The following PCDH15 variants were observed in gnomAD, a reference collection of about 807,000 sequenced individuals.
The protein encoded by PCDH15 is protocadherin related 15.
In PCDH15, 129 loss-of-function variants were observed where a neutral mutation model predicts 178.5. That is an observed-to-expected ratio of 0.72 (90% confidence interval 0.63 to 0.84). The LOEUF is 0.84. Among genes scored for constraint, PCDH15 ranks in the 40% least tolerant of loss-of-function variants. PCDH15 has a pLI of 0.00. For synonymous variants in PCDH15, 800 were observed against 732.0 expected (o/e 1.09, Z -1.50); for missense variants, 2,230 against 2,099.9 (o/e 1.06, Z -1.21).
intron 2 of PCDH15, among the ~76,000 whole-genome samples, chr10:55,165,378 C>T (rs1839168079): frequency 6.6e-6 from 1 of 151,714 alleles, no homozygotes; most frequent in Admixed American, 6.6e-5. Flanking sequence ...ACAGAAATGT[C>T]TTAGGTACGC....
chr10:53,963,497 C>A (rs2088595185), intron 21 of PCDH15, among the ~76,000 whole-genome samples: 3 of 152,212 alleles, frequency 2.0e-5, no homozygotes, highest in Admixed American at 6.5e-5. Context: ...GGAACCTCTC[C>A]CAGTCTGATA....
At chr10:55,196,437 A>C (rs759465818) in intron 1 of PCDH15, among the ~76,000 whole-genome samples, 1 of 152,058 alleles carries the variant, frequency 6.6e-6, no homozygotes, top group African/African-American at 2.4e-5. Flanking sequence ...CTTTCAATAG[A>C]GCTCTCAATT....
At chr10:54,587,147 T>TC (rs566866901) in intron 2 of PCDH15, among the ~76,000 whole-genome samples, 2,282 of 152,304 alleles carry the variant, frequency 0.015, 52 homozygotes, top group African/African-American at 0.052. Context: ...TCAGTGACCA[T>TC]TGGCATCATC....
At chr10:53,836,931 G>T (rs935515819) in intron 29 of PCDH15, among the ~76,000 whole-genome samples, 2 of 152,082 alleles carry the variant, frequency 1.3e-5, no homozygotes, top group South Asian at 2.1e-4. Context: ...GTGGAAATAA[G>T]AAATAATCTA....
chr10:55,445,009 A>G (rs1839283766), intron 2 of PCDH15, among the ~76,000 whole-genome samples: 1 of 152,128 alleles, frequency 6.6e-6, no homozygotes. Context: ...AATTAAACGG[A>G]GAAAGAAGGG....
chr10:54,191,183 A>T (rs779631250), intron 11 of PCDH15, among the ~76,000 whole-genome samples: 1 of 152,226 alleles, frequency 6.6e-6, no homozygotes, highest in Non-Finnish European at 1.5e-5. Flanking sequence ...GTTCTTCAGC[A>T]TACAAAAGTT....
Position 53,961,732 on chromosome 10 carries a change from T to A in PCDH15, c.3009+20A>T. On this transcript the variant is annotated intron_variant, in intron 22 of 37. Coordinates refer to ENST00000644397, the MANE Select transcript of PCDH15 (RefSeq NM_001384140.1). Reference sequence around the variant, plus strand: ...AAAATTAAACATCAAATAGACCACATAATGAAAAGAGACACTGACCTTAAA... The same window carrying A: ...AAAATTAAACATCAAATAGACCACAAAATGAAAAGAGACACTGACCTTAAA... 3 of 1,586,672 alleles carry A rather than the reference T, an allele frequency of 1.9e-6. No individual in the cohort carries two copies. The highest frequency in any genetic ancestry group is 2.6e-6 in the Non-Finnish European group (3 of 1,164,724).
At chr10:54,090,490 A>C (rs1005769752) in intron 15 of PCDH15, among the ~76,000 whole-genome samples, 5 of 151,990 alleles carry the variant, frequency 3.3e-5, no homozygotes, top group Admixed American at 6.6e-5. Context: ...CAAAAACACA[A>C]GAAGTTACCC....
intron 37 of PCDH15, among the ~76,000 whole-genome samples, chr10:53,807,651 TTTATTTAC>T (rs1841284441): frequency 6.6e-6 from 1 of 151,130 alleles, no homozygotes; most frequent in Admixed American, 6.6e-5. Flanking sequence ...AATTTAAGCA[TTTATTTAC>T]TTGACTTTAC....
At chr10:54,785,790 A>AT (rs892927178) in intron 1 of PCDH15, among the ~76,000 whole-genome samples, 4 of 151,306 alleles carry the variant, frequency 2.6e-5, no homozygotes, top group South Asian at 2.1e-4. Context: ...AGAGACAGAC[A>AT]TTTTTTTTTA....
chr10:54,681,412 T>A (rs1448318667), intron 1 of PCDH15, among the ~76,000 whole-genome samples: 1 of 152,012 alleles, frequency 6.6e-6, no homozygotes, highest in Non-Finnish European at 1.5e-5. Flanking sequence ...GACTTGCAAA[T>A]ATTTAGAGGT....
At chr10:55,155,488 C>CAAAAAA (rs33986131) in intron 2 of PCDH15, among the ~76,000 whole-genome samples, 6 of 116,040 alleles carry the variant, frequency 5.2e-5, no homozygotes, top group South Asian at 2.9e-4. Context: ...GCAACCAATG[C>CAAAAAA]AAAAAAAAAA....
chr10:53,844,523 A>T (rs1205068131), intron 28 of PCDH15, among the ~76,000 whole-genome samples: 1 of 152,000 alleles, frequency 6.6e-6, no homozygotes, highest in African/African-American at 2.4e-5. Context: ...TGATATGACC[A>T]TAAAAACAGA....
At chr10:55,289,684 A>G (rs1842960135) in intron 1 of PCDH15, among the ~76,000 whole-genome samples, 1 of 152,032 alleles carries the variant, frequency 6.6e-6, no homozygotes, top group African/African-American at 2.4e-5. Context: ...TAATTAATCT[A>G]TCTATCTAAA....
intron 3 of PCDH15, among the ~76,000 whole-genome samples, chr10:54,401,695 TCTC>T (rs1180308378): frequency 6.6e-6 from 1 of 151,842 alleles, no homozygotes; most frequent in African/African-American, 2.4e-5. Flanking sequence ...GATGCTAAAA[TCTC>T]CTCATGTAAT....
intron 18 of PCDH15, among the ~76,000 whole-genome samples, chr10:54,030,688 A>G (rs2093267412): frequency 1.3e-5 from 2 of 152,188 alleles, no homozygotes; most frequent in South Asian, 4.2e-4. Context: ...AAGATACACA[A>G]TAAACTACAT....
At chr10:54,378,233 T>C (rs1174751948) in intron 4 of PCDH15, among the ~76,000 whole-genome samples, 3 of 151,892 alleles carry the variant, frequency 2.0e-5, no homozygotes, top group Non-Finnish European at 2.9e-5. Flanking sequence ...AAGCCCAATA[T>C]AGATATTCTT....
intron 16 of PCDH15, among the ~76,000 whole-genome samples, chr10:54,080,210 C>G (rs1313983912): frequency 2.6e-5 from 4 of 151,936 alleles, no homozygotes; most frequent in Non-Finnish European, 5.9e-5. Flanking sequence ...CTTAATTTAA[C>G]TGATGTATAA....
At chr10:54,118,357 A>G (rs529053269) in intron 15 of PCDH15, among the ~76,000 whole-genome samples, 127 of 152,262 alleles carry the variant, frequency 8.3e-4, no homozygotes, top group African/African-American at 2.9e-3. Context: ...CCTAGTTTTC[A>G]TCATATAAAA....
Sources: allele counts gnomAD v4.1 joint callset (sites outside exome capture counted in the v4.1 genomes callset), GRCh38; gene constraint gnomAD v4.1.1; transcripts MANE v1.5; gene names NCBI Gene and HGNC (gene_info 2026-07-23, HGNC 2026-07-21).